TNS3: variants seen among roughly 807,000 people sequenced by gnomAD.
TNS3 encodes tensin-3.
Under a neutral mutation model 140.9 loss-of-function variants are expected in TNS3, and 45 were observed. The observed-to-expected ratio is 0.32, with a 90% CI of 0.25 to 0.41. TNS3 has a LOEUF of 0.41. Among genes scored for constraint, TNS3 ranks in the 10% least tolerant of loss-of-function variants. The probability of loss-of-function intolerance (pLI) is 1.00; values close to 1 mark genes in which losing one functional copy is unlikely to be tolerated. For missense variants in TNS3, 1,716 were observed against 1,906.7 expected, an observed-to-expected ratio of 0.90 and a Z score of 1.86; for synonymous variants, 815 against 788.4, an observed-to-expected ratio of 1.03 and a Z score of -0.56.
chr7:47,529,778 C>G (rs1272446055), intron 1 of TNS3, among the ~76,000 whole-genome samples: 1 of 152,248 alleles, frequency 6.6e-6, no homozygotes, highest in Non-Finnish European at 1.5e-5. Flanking sequence ...AGCCAAGGCT[C>G]TCAGCTATAT....
intron 17 of TNS3, among the ~76,000 whole-genome samples, chr7:47,366,668 GA>G (rs756614374): frequency 2.6e-5 from 4 of 151,878 alleles, no homozygotes; most frequent in Non-Finnish European, 2.9e-5. Context: ...CTCCAAAGAG[GA>G]TGGAGACACT....
intron 8 of TNS3, among the ~76,000 whole-genome samples, chr7:47,429,935 C>T (rs967270770): frequency 6.6e-6 from 1 of 152,098 alleles, no homozygotes; most frequent in African/African-American, 2.4e-5. Context: ...AATCCTGGCA[C>T]GTGCAATTAT....
intron 16 of TNS3, among the ~76,000 whole-genome samples, chr7:47,390,832 T>C (rs2462632): frequency 0.96 from 145,703 of 152,286 alleles, 69,868 homozygotes; most frequent in East Asian, 1. Flanking sequence ...CAGAGCCACA[T>C]CCAAGTCCAG....
chr7:47,400,461 G>GA lies in TNS3; in HGVS notation c.854-4dup, dbSNP rs567060539. On this transcript the variant is annotated splice_region_variant and splice_polypyrimidine_tract_variant and intron_variant, in intron 14 of 30. Coordinates refer to ENST00000311160, the MANE Select transcript of TNS3 (RefSeq NM_022748.12). Reference sequence around the variant, plus strand: ...CCCATAGTCAGGAAAACGGTCATCTGAAAAAAACAATGTATTTTAACACAT... The same window carrying GA: ...CCCATAGTCAGGAAAACGGTCATCTGAAAAAAAACAATGTATTTTAACACAT... 173 of 1,613,530 alleles carry GA rather than the reference G, an allele frequency of 1.1e-4. 2 individuals carry two copies. In the South Asian group the frequency reaches 1.4e-3, roughly 13 times the overall value.
rs1398050424 is a variant in TNS3, at chr7:47,408,043, G to C, written c.723+3684C>G. Among the ~76,000 whole-genome samples, 3 of 152,122 alleles carry C rather than the reference G, an allele frequency of 2.0e-5. No homozygotes were observed. The East Asian group carries it at 5.8e-4, about 29-fold the overall frequency. On this transcript the variant is annotated intron_variant, in intron 13 of 30. Coordinates refer to ENST00000311160, the MANE Select transcript of TNS3 (RefSeq NM_022748.12). ...CAAGAGGCGGCTGGCGGGTTCCAGT[G>C]GCCTGAGGGACACAGAGTCTGAATG...
intron 16 of TNS3, among the ~76,000 whole-genome samples, chr7:47,389,109 C>G (rs368875573): frequency 1.7e-5 from 1 of 59,076 alleles, no homozygotes; most frequent in Non-Finnish European, 3.6e-5. Context: ...GAAGCGGAAG[C>G]AGAAGAAGAA....
At chr7:47,337,995 C>CTAG (rs953715288) in intron 20 of TNS3, among the ~76,000 whole-genome samples, 1 of 152,220 alleles carries the variant, frequency 6.6e-6, no homozygotes, top group Non-Finnish European at 1.5e-5. Flanking sequence ...TTTTCTCACT[C>CTAG]AACCTAATGT....
At position 47,302,979 on chromosome 7, in the gene TNS3, T is replaced by C; in HGVS notation, c.3428A>G (p.Lys1143Arg). Residue 1143 changes from lysine (K) to arginine (R), a missense_variant, in exon 22 of 31, where the codon AAG becomes AGG. Around this residue, in one of 3 missense-constraint regions of TNS3, gnomAD observed 1,163 missense variants for 1,182.1 expected, o/e 0.98. Coordinates refer to ENST00000311160, the MANE Select transcript of TNS3 (RefSeq NM_022748.12). ...PFPNVLPDFS[K>R]ASEAASPLPD... ...CAGAGGTGAGGCCGCTTCTGAAGCC[T>C]TGGAAAAGTCGGGAAGGACATTTGG... The C allele has an allele frequency of 6.2e-7, 1 of 1,611,342 alleles. No individual in the cohort carries two copies.
intron 4 of TNS3, among the ~76,000 whole-genome samples, chr7:47,471,481 T>C (rs570815386): frequency 6.6e-6 from 1 of 152,306 alleles, no homozygotes; most frequent in African/African-American, 2.4e-5. Flanking sequence ...TGGCTCCCAC[T>C]GACTTAGTGC....
intron 10 of TNS3, among the ~76,000 whole-genome samples, chr7:47,416,183 G>A (rs536784650): frequency 2.5e-4 from 38 of 152,276 alleles, no homozygotes; most frequent in Non-Finnish European, 4.4e-4. Flanking sequence ...CAAAAACTCC[G>A]CAATATTTAA....
intron 4 of TNS3, among the ~76,000 whole-genome samples, chr7:47,448,015 T>C (rs940857): frequency 0.48 from 72,285 of 152,108 alleles, 19,403 homozygotes; most frequent in Non-Finnish European, 0.6. Context: ...AGCAGGAGGC[T>C]GGGGGCCCTG....
chr7:47,449,292 G>A (rs987814243), intron 4 of TNS3, among the ~76,000 whole-genome samples: 1 of 152,156 alleles, frequency 6.6e-6, no homozygotes, highest in South Asian at 2.1e-4. Flanking sequence ...CTTCACTGAC[G>A]TCCCATTGCC....
At chr7:47,412,264 A>C (rs1793816195) in intron 12 of TNS3, among the ~76,000 whole-genome samples, 1 of 152,234 alleles carries the variant, frequency 6.6e-6, no homozygotes, top group Non-Finnish European at 1.5e-5. Flanking sequence ...GTCCACATAC[A>C]AAAAGACAAA....
Position 47,369,536 on chromosome 7 carries a change from G to A in TNS3, c.1110C>T (p.Gly370=). 1 of 1,613,528 alleles carries A rather than the reference G, an allele frequency of 6.2e-7. No homozygotes were observed. The highest frequency in any genetic ancestry group is 8.5e-7 in the Non-Finnish European group (1 of 1,179,758). ...TGTTGGTGGCCGGGATTGCCTGGGGGCCACCTGGGATGCCAGGATCCGAGG... is the reference window on the plus strand; with the variant it reads ...TGTTGGTGGCCGGGATTGCCTGGGGACCACCTGGGATGCCAGGATCCGAGG... ...KSSSDPGIPG[G]PQAIPATNSP... Residue 370 remains glycine (G), a synonymous_variant, in exon 17 of 31, where the codon GGC becomes GGT. Transcript: ENST00000311160.
chr7:47,454,368 C>T (rs954549991), intron 4 of TNS3, among the ~76,000 whole-genome samples: 1 of 152,174 alleles, frequency 6.6e-6, no homozygotes, highest in Non-Finnish European at 1.5e-5. Context: ...TCATCAGACC[C>T]GGAGACACTA....
intron 1 of TNS3, among the ~76,000 whole-genome samples, chr7:47,566,298 C>A (rs1800427640): frequency 6.6e-6 from 1 of 152,320 alleles, no homozygotes; most frequent in African/African-American, 2.4e-5. Flanking sequence ...TATCATTTGG[C>A]AGTGATGGCA....
At chr7:47,411,046 A>T (rs1793740734) in intron 13 of TNS3, among the ~76,000 whole-genome samples, 1 of 152,216 alleles carries the variant, frequency 6.6e-6, no homozygotes, top group Non-Finnish European at 1.5e-5. Context: ...GCTATTAATG[A>T]TACATAAATA....
rs1374608092 is a variant in TNS3 at position 47,336,368 on chromosome 7, A to T, written c.2650+8387T>A. ...TGGCTCACAAAATTCCTCACACTTC[A>T]GCAATCAGCTCTCGGTACCAGCAGG... On this transcript the variant is annotated intron_variant, in intron 20 of 30. Coordinates refer to ENST00000311160, the MANE Select transcript of TNS3 (RefSeq NM_022748.12). 5.9e-5 allele frequency among the ~76,000 whole-genome samples: 9 copies of T among 152,226 alleles called. No homozygotes were observed. The South Asian group carries it at 1.7e-3, about 28-fold the overall frequency.
chr7:47,321,716 T>C (rs993040582), intron 20 of TNS3, among the ~76,000 whole-genome samples: 3 of 152,132 alleles, frequency 2.0e-5, no homozygotes, highest in African/African-American at 2.4e-5. Flanking sequence ...GAAATAACCA[T>C]TGTGCTCTGA....
Sources: gnomAD v4.1 joint callset for allele counts (sites outside exome capture counted in the v4.1 genomes callset) on GRCh38, gnomAD v4.1.1 for gene constraint, gnomAD v4.1.1 regional missense constraint, MANE v1.5 for transcripts, NCBI Gene and HGNC (gene_info 2026-07-23, HGNC 2026-07-21) for gene names.